The following SBF2 variants were observed in gnomAD, a reference collection of about 807,000 sequenced individuals.
SBF2 encodes myotubularin-related protein 13.
A neutral mutation model predicts 225.2 loss-of-function variants in SBF2; 112 were observed. The ratio of observed to expected loss-of-function variants is 0.50; its 90% CI spans 0.43 to 0.58. The LOEUF is 0.58. Ranked by LOEUF, SBF2 falls within the 20% of genes least tolerant of loss-of-function variation. The pLI, the probability that SBF2 is intolerant of heterozygous loss-of-function variation, is 0.00. For synonymous variants in SBF2, 763 were observed against 773.3 expected (o/e 0.99, Z 0.22); for missense variants, 1,996 against 2,206.2 (o/e 0.90, Z 1.91).
At chr11:10,067,770 C>G (rs1273213132) in intron 2 of SBF2, among the ~76,000 whole-genome samples, 1 of 152,000 alleles carries the variant, frequency 6.6e-6, no homozygotes, top group African/African-American at 2.4e-5. Flanking sequence ...ACTTAGCTGT[C>G]TGTGCATCCA....
intron 2 of SBF2, among the ~76,000 whole-genome samples, chr11:10,174,778 A>T (rs1261471809): frequency 2.0e-5 from 3 of 152,174 alleles, no homozygotes; most frequent in Non-Finnish European, 2.9e-5. Context: ...CCGGTTACCC[A>T]CAAAGGGAAG....
Position 9,984,035 on chromosome 11 carries a change from A to G in SBF2, c.1395+5462T>C, listed in dbSNP as rs140262531. Among the ~76,000 whole-genome samples the G allele has an allele frequency of 3.3e-5, 5 of 152,298 alleles. No individual in the cohort carries two copies. In the East Asian group the frequency reaches 9.6e-4, roughly 29 times the overall value. On this transcript the variant is annotated intron_variant, in intron 13 of 39. Transcript: ENST00000256190. ...AAACAAGGCTCTTCAACATCCCCCC[A>G]AAAATCACACTAGTTCACTAGTAAT...
chr11:10,231,210 T>C (rs1217659950), intron 1 of SBF2, among the ~76,000 whole-genome samples: 2 of 152,198 alleles, frequency 1.3e-5, no homozygotes, highest in South Asian at 2.1e-4. Flanking sequence ...TAGCCATTCA[T>C]CTAATGTTTT....
At chr11:10,069,686 T>G (rs1020713509) in intron 2 of SBF2, among the ~76,000 whole-genome samples, 13 of 152,288 alleles carry the variant, frequency 8.5e-5, no homozygotes, top group Admixed American at 2.6e-4. Context: ...GTAATGGGAT[T>G]GCTGGGTCAA....
intron 13 of SBF2, among the ~76,000 whole-genome samples, chr11:9,986,909 C>G (rs926131118): frequency 1.3e-5 from 2 of 152,118 alleles, no homozygotes; most frequent in Non-Finnish European, 1.5e-5. Flanking sequence ...AGAAGGAACT[C>G]TCCCTAATTT....
At chr11:9,788,634 A>G (rs1325141111) in intron 35 of SBF2, among the ~76,000 whole-genome samples, 2 of 139,592 alleles carry the variant, frequency 1.4e-5, no homozygotes, top group Admixed American at 1.5e-4. Flanking sequence ...TTGCTCTGTC[A>G]CCCAGGCTGG....
At chr11:10,286,160 G>GCACATGCACA (rs1555108810) in intron 1 of SBF2, among the ~76,000 whole-genome samples, 7 of 110,352 alleles carry the variant, frequency 6.3e-5, no homozygotes, top group African/African-American at 2.3e-4. Context: ...ACATAAACAC[G>GCACATGCACA]CACACGCACA....
At chr11:10,288,977 TCCACG>T (rs1179520502) in intron 1 of SBF2, among the ~76,000 whole-genome samples, 1 of 152,150 alleles carries the variant, frequency 6.6e-6, no homozygotes, top group East Asian at 1.9e-4. Flanking sequence ...CCTTCCGCCA[TCCACG>T]ACGCCCAGGC....
In SBF2 at chr11:10,202,727, G is replaced by A. The variant is rs542917652; in HGVS notation, c.56-8740C>T. Reference sequence around the variant, plus strand: ...GGCGTGAACCCGGGAGGCGGAGCTTGCAGTGAGCTGAGATTGCGCCACTGC... The same window carrying A: ...GGCGTGAACCCGGGAGGCGGAGCTTACAGTGAGCTGAGATTGCGCCACTGC... On this transcript the variant is annotated intron_variant, in intron 1 of 39. Coordinates refer to ENST00000256190, the MANE Select transcript of SBF2 (RefSeq NM_030962.4). Among the ~76,000 whole-genome samples, 3 of 152,342 alleles carry A rather than the reference G, an allele frequency of 2.0e-5. No homozygotes were observed. In the South Asian group the frequency reaches 6.2e-4, roughly 32 times the overall value.
rs1483435938 is a variant in SBF2 at position 9,856,822 on chromosome 11, C to G, written c.2101-102G>C. On this transcript the variant is annotated intron_variant, in intron 18 of 39. Coordinates refer to ENST00000256190, the MANE Select transcript of SBF2 (RefSeq NM_030962.4). Reference sequence around the variant, plus strand: ...TTTTTTTTTGAGACGGAGTCTCGCTCTGTCACCCAGGCTGGAGTGCAGTGG... The same window carrying G: ...TTTTTTTTTGAGACGGAGTCTCGCTGTGTCACCCAGGCTGGAGTGCAGTGG... 143 of 1,264,486 alleles carry G rather than the reference C, an allele frequency of 1.1e-4. No individual in the cohort carries two copies. In the African/African-American group the frequency reaches 1.9e-3, roughly 17 times the overall value. 78.3% of individuals were successfully genotyped at this position (1,264,486 alleles called of 1,614,324 possible). A position where few individuals can be genotyped will look rare whatever the true frequency, so the allele number is the denominator to read the frequency against.
chr11:10,182,149 G>A (rs1025047659), intron 2 of SBF2, among the ~76,000 whole-genome samples: 1 of 152,108 alleles, frequency 6.6e-6, no homozygotes, highest in African/African-American at 2.4e-5. Context: ...CAAGCAAAAA[G>A]ATGTAAACAT....
chr11:9,909,484 A>C (rs1034223834), intron 16 of SBF2, among the ~76,000 whole-genome samples: 6 of 152,002 alleles, frequency 3.9e-5, no homozygotes, highest in African/African-American at 1.4e-4. Flanking sequence ...ATCCTGGCTA[A>C]CACAGTGAAA....
At chr11:9,914,953 C>A (rs1003356045) in intron 16 of SBF2, among the ~76,000 whole-genome samples, 1 of 151,624 alleles carries the variant, frequency 6.6e-6, no homozygotes, top group Non-Finnish European at 1.5e-5. Context: ...TACAGAAAAT[C>A]TCTGTAACTT....
At chr11:10,241,260 G>A (rs1044243044) in intron 1 of SBF2, among the ~76,000 whole-genome samples, 4 of 152,176 alleles carry the variant, frequency 2.6e-5, no homozygotes, top group Non-Finnish European at 5.9e-5. Context: ...GGCTGAGGCA[G>A]GAGAATCACT....
chr11:10,275,506 C>T (rs1415883851), intron 1 of SBF2, among the ~76,000 whole-genome samples: 2 of 151,846 alleles, frequency 1.3e-5, no homozygotes, highest in South Asian at 2.1e-4. Flanking sequence ...TTTTACTATT[C>T]GTGTTCTTAG....
intron 13 of SBF2, among the ~76,000 whole-genome samples, chr11:9,982,932 C>T (rs984030902): frequency 9.2e-5 from 14 of 152,284 alleles, no homozygotes; most frequent in Non-Finnish European, 1.6e-4. Flanking sequence ...GGGAGCTTGC[C>T]GGGTCCCAAA....
chr11:10,064,855 A>G (rs1950575757), intron 2 of SBF2, among the ~76,000 whole-genome samples: 1 of 152,202 alleles, frequency 6.6e-6, no homozygotes, highest in Non-Finnish European at 1.5e-5. Context: ...CCCCCTCTCA[A>G]TAACAGATAG....
At chr11:9,977,604 G>C (rs12576008) in intron 13 of SBF2, among the ~76,000 whole-genome samples, 32,538 of 152,052 alleles carry the variant, frequency 0.21, 3,611 homozygotes, top group East Asian at 0.28. Flanking sequence ...CCTACATTAT[G>C]AATTGGGAAT....
At chr11:10,138,131 TTTTGAGAA>T (rs1954471269) in intron 2 of SBF2, among the ~76,000 whole-genome samples, 1 of 152,206 alleles carries the variant, frequency 6.6e-6, no homozygotes, top group African/African-American at 2.4e-5. Context: ...GAGATTTCTA[TTTTGAGAA>T]TTTTAAAATT....
Sources: allele counts gnomAD v4.1 joint callset (sites outside exome capture counted in the v4.1 genomes callset), GRCh38; gene constraint gnomAD v4.1.1; transcripts MANE v1.5; gene names NCBI Gene and HGNC (gene_info 2026-07-23, HGNC 2026-07-21).